The following PIBF1 variants were observed in gnomAD, a reference collection of about 807,000 sequenced individuals.
The protein encoded by PIBF1 is progesterone-induced-blocking factor 1.
In PIBF1, 90 loss-of-function variants were observed where a neutral mutation model predicts 112.5. That is an observed-to-expected ratio of 0.80 (90% CI 0.67 to 0.95). PIBF1 has a LOEUF of 0.95. Ranked by LOEUF, PIBF1 falls within the 40% of genes least tolerant of loss-of-function variation. PIBF1 has a pLI of 0.00. For missense variants in PIBF1, 915 were observed against 852.3 expected (o/e 1.07, Z -0.92); for synonymous variants, 301 against 288.6 (o/e 1.04, Z -0.44).
At chr13:72,923,765 G>A (rs2041380657) in intron 13 of PIBF1, among the ~76,000 whole-genome samples, 1 of 152,166 alleles carries the variant, frequency 6.6e-6, no homozygotes, top group East Asian at 1.9e-4. Context: ...AGGAGTTCGA[G>A]ACTAGCCTGG....
chr13:72,840,524 C>CT (rs575826319), intron 9 of PIBF1, among the ~76,000 whole-genome samples: 3,694 of 136,160 alleles, frequency 0.027, 155 homozygotes, highest in African/African-American at 0.068. Context: ...CCCCAATAAA[C>CT]TTTTTTTTTT....
rs2034280567 is a variant in PIBF1 at position 72,782,147 on chromosome 13, G to T, written c.-250G>T. The T allele has an allele frequency of 3.3e-6, 1 of 302,662 alleles. No homozygotes were observed. The highest frequency in any genetic ancestry group is 6.1e-6 in the Non-Finnish European group (1 of 162,930). 18.7% of individuals were successfully genotyped at this position (302,662 alleles called of 1,614,324 possible). A position where few individuals can be genotyped will look rare whatever the true frequency, so the allele number is the denominator to read the frequency against. ...GAACATCCGGGAGAGTTGACTTCCG[G>T]CGGCTTGTGGGAGTGCTGGTTCTGT... is the stretch of plus-strand genomic sequence containing the variant. On this transcript the variant is annotated 5_prime_UTR_variant, in exon 1 of 18. Coordinates refer to ENST00000326291, the MANE Select transcript of PIBF1 (RefSeq NM_006346.4).
At chr13:72,800,180 C>T (rs1232699266) in intron 5 of PIBF1, among the ~76,000 whole-genome samples, 2 of 152,168 alleles carry the variant, frequency 1.3e-5, no homozygotes, top group Admixed American at 1.3e-4. Flanking sequence ...GGCTTACAGG[C>T]ATGCGCTACC....
intron 10 of PIBF1, among the ~76,000 whole-genome samples, chr13:72,857,224 A>G (rs1196976840): frequency 2.0e-5 from 3 of 152,248 alleles, no homozygotes; most frequent in African/African-American, 4.8e-5. Flanking sequence ...TCCATACCTC[A>G]TAACTTACAC....
intron 17 of PIBF1, among the ~76,000 whole-genome samples, chr13:73,001,528 G>A (rs2043865322): frequency 6.7e-6 from 1 of 148,888 alleles, no homozygotes; most frequent in African/African-American, 2.5e-5. Context: ...CTGTTAACTG[G>A]GTAATGGAGT....
At chr13:72,878,266 T>C (rs1331086493) in intron 10 of PIBF1, among the ~76,000 whole-genome samples, 1 of 152,158 alleles carries the variant, frequency 6.6e-6, no homozygotes, top group Admixed American at 6.6e-5. Context: ...TGATTTTAGA[T>C]CTTTCTTCTT....
chr13:72,903,098 A>G (rs749703916), intron 11 of PIBF1, among the ~76,000 whole-genome samples: 1 of 152,058 alleles, frequency 6.6e-6, no homozygotes, highest in African/African-American at 2.4e-5. Context: ...AGGTTTCACC[A>G]TGTTGGCCAG....
chr13:72,867,361 C>G (rs930097587), intron 10 of PIBF1, among the ~76,000 whole-genome samples: 4 of 152,076 alleles, frequency 2.6e-5, no homozygotes, highest in Non-Finnish European at 5.9e-5. Context: ...TCAGGTATGT[C>G]TTTATCAGCC....
chr13:72,932,188 C>T (rs957809840), intron 14 of PIBF1, among the ~76,000 whole-genome samples: 2 of 152,114 alleles, frequency 1.3e-5, no homozygotes, highest in African/African-American at 4.8e-5. Context: ...AAGCGATCCA[C>T]CTGCCTAGGG....
chr13:72,886,428 TTTTTATAACACTGTTATAAAAA>T (rs1379090716), intron 10 of PIBF1, among the ~76,000 whole-genome samples: 80 of 151,280 alleles, frequency 5.3e-4, no homozygotes, highest in African/African-American at 7.3e-4. Context: ...TGTTATAAAG[TTTTTATAACACTGTTATAAAAA>T]TTTTATAACA....
intron 9 of PIBF1, chr13:72,835,953 G>A (rs1004629162): frequency 1.3e-5 from 4 of 300,816 alleles, no homozygotes; most frequent in Non-Finnish European, 2.6e-5. Context: ...CAAAAAATTA[G>A]CCAGGCATGG....
At chr13:72,787,704 G>A (rs2034676390) in intron 2 of PIBF1, among the ~76,000 whole-genome samples, 3 of 152,044 alleles carry the variant, frequency 2.0e-5, no homozygotes, top group Admixed American at 6.6e-5. Flanking sequence ...TGTTGCCCAG[G>A]CTGGAGTGCA....
At chr13:72,857,671 T>C (rs2038486870) in intron 10 of PIBF1, among the ~76,000 whole-genome samples, 1 of 152,120 alleles carries the variant, frequency 6.6e-6, no homozygotes. Flanking sequence ...AAACCCTGTC[T>C]CTACTAAAAA....
chr13:72,945,354 G>A (rs1304439213), intron 14 of PIBF1, among the ~76,000 whole-genome samples: 1 of 152,176 alleles, frequency 6.6e-6, no homozygotes, highest in African/African-American at 2.4e-5. Context: ...TGATGGGCAT[G>A]TGAGTGCATG....
chr13:72,860,315 G>GTA (rs2038636827), intron 10 of PIBF1, among the ~76,000 whole-genome samples: 1 of 27,442 alleles, frequency 3.6e-5, no homozygotes, highest in Admixed American at 2.5e-4. Flanking sequence ...AGGGGTGTGT[G>GTA]TGTGTGTGTG....
At position 72,783,626 on chromosome 13, in the gene PIBF1, C is replaced by A; in HGVS notation, c.157C>A (p.Arg53=). 5 of 1,613,888 alleles carry A rather than the reference C, an allele frequency of 3.1e-6. No homozygotes were observed. In the Admixed American group the frequency reaches 6.7e-5, roughly 22 times the overall value. Residue 53 remains arginine (R), a synonymous_variant, in exon 2 of 18, where the codon CGA becomes AGA. Coordinates refer to ENST00000326291, the MANE Select transcript of PIBF1 (RefSeq NM_006346.4). ...KVRITRQLIE[R]KELLHNIQLL... ...CAGAATCACCAGGCAGCTAATTGAACGAAAAGAACTACTTCATAATATTCA... is the reference window on the plus strand; with the variant it reads ...CAGAATCACCAGGCAGCTAATTGAAAGAAAAGAACTACTTCATAATATTCA...
intron 13 of PIBF1, among the ~76,000 whole-genome samples, chr13:72,922,217 A>G (rs975811716): frequency 3.3e-5 from 5 of 152,062 alleles, no homozygotes; most frequent in Non-Finnish European, 7.4e-5. Context: ...GCCTCAAGCA[A>G]TCATCCCACC....
At chr13:72,799,478 C>G (rs981521467) in intron 5 of PIBF1, among the ~76,000 whole-genome samples, 4 of 152,162 alleles carry the variant, frequency 2.6e-5, no homozygotes. Context: ...GATGTGCCCC[C>G]ACTCCAAACT....
chr13:72,874,229 C>T (rs1233655299), intron 10 of PIBF1, among the ~76,000 whole-genome samples: 1 of 152,032 alleles, frequency 6.6e-6, no homozygotes, highest in African/African-American at 2.4e-5. Context: ...TAGTATAAGA[C>T]CCAGCATTCC....
Sources: gnomAD v4.1 joint callset for allele counts (sites outside exome capture counted in the v4.1 genomes callset) on GRCh38, gnomAD v4.1.1 for gene constraint, MANE v1.5 for transcripts, NCBI Gene and HGNC (gene_info 2026-07-23, HGNC 2026-07-21) for gene names.